ELOA: variants seen among roughly 807,000 people sequenced by gnomAD.
ELOA encodes the protein elongin A, also known as elongin-A.
A neutral mutation model predicts 85.2 loss-of-function variants in ELOA; 15 were observed. The observed-to-expected ratio is 0.18, with a 90% confidence interval of 0.12 to 0.27. ELOA has a LOEUF of 0.27. Among genes scored for constraint, ELOA ranks in the 10% least tolerant of loss-of-function variants. ELOA has a pLI of 1.00. For missense variants in ELOA, 769 were observed against 952.7 expected (o/e 0.81, Z 2.54); for synonymous variants, 348 against 357.2 (o/e 0.97, Z 0.29).
chr1:23,756,444 G>C (rs1412277389), intron 9 of ELOA, 59 bp downstream of exon 9: 1 of 1,448,788 alleles, frequency 6.9e-7, no homozygotes, highest in Non-Finnish European at 9.4e-7. Flanking sequence ...GGTAGCCATA[G>C]CGGCAGGAAG....
At position 23,759,791 on chromosome 1, in the gene ELOA, C is replaced by T. The variant is rs796203227; in HGVS notation, c.*218C>T. 10 of 560,988 alleles carry T rather than the reference C, an allele frequency of 1.8e-5. No homozygotes were observed. The highest frequency in any genetic ancestry group is 1.5e-4 in the African/African-American group (8 of 53,170). 34.8% of individuals were successfully genotyped at this position (560,988 alleles called of 1,614,324 possible). A position where few individuals can be genotyped will look rare whatever the true frequency, so the allele number is the denominator to read the frequency against. ...TTAGAATTCTGAAGATGTGAAGCCT[C>T]TGTCTCACTGAGGATTTTAAAGGTC... On this transcript the variant is annotated 3_prime_UTR_variant, in exon 11 of 11. Transcript: ENST00000613537.
Position 23,751,398 on chromosome 1 carries a change from G to A in ELOA, c.793G>A (p.Val265Met). ...TGCCAAGAGTGATGAGAAGGCCTCT[G>A]TGGTGAGCAGAGAGAAATCACACAA... ...VDAKSDEKAS[V>M]VSREKSHKAL... The change falls in exon 4 of 11, where the codon GTG (valine) becomes ATG (methionine). Residue 265 changes from valine to methionine, a missense_variant. Physicochemically the swap from Val to Met is conservative, Grantham distance 21. Coordinates refer to ENST00000613537, the MANE Select transcript of ELOA (RefSeq NM_003198.3). 6.2e-7 allele frequency: 1 copy of A among 1,614,200 alleles called. No individual in the cohort carries two copies. Among genetic ancestry groups the A allele is most frequent in the Non-Finnish European group, 8.5e-7 (1 of 1,180,038 alleles).
chr1:23,754,767 GA>G (rs2148387579), intron 7 of ELOA, among the ~76,000 whole-genome samples: 2 of 152,270 alleles, frequency 1.3e-5, no homozygotes, highest in South Asian at 4.1e-4. Flanking sequence ...GAGTAGCTGG[GA>G]CCCAGGGCGG....
intron 1 of ELOA, among the ~76,000 whole-genome samples, chr1:23,745,697 T>A (rs1570589003): frequency 6.6e-6 from 1 of 152,188 alleles, no homozygotes; most frequent in South Asian, 2.1e-4. Context: ...AGCTGTCATG[T>A]TGGCCTTGTT....
At chr1:23,754,024 G>A (rs1644783977) in intron 5 of ELOA, 76 bp from the exon 6 acceptor site, 1 of 1,539,574 alleles carries the variant, frequency 6.5e-7, no homozygotes. Context: ...GGAAAGGGAA[G>A]TAGGAGGCTG....
chr1:23,751,360 A>G lies in ELOA; in HGVS notation c.755A>G (p.Lys252Arg), dbSNP rs1278292799. The G allele has an allele frequency of 4.3e-6, 7 of 1,614,218 alleles. No homozygotes were observed. The highest frequency in any genetic ancestry group is 1.3e-5 in the African/African-American group (1 of 75,056). The change falls in exon 4 of 11, where the codon AAA becomes AGA. Residue 252 changes from lysine (K) to arginine (R), a missense_variant. Lys to Arg is a conservative substitution (Grantham distance 26). This residue lies in a region of ELOA where 440 missense variants were observed against 474.0 expected (regional missense o/e 0.93). Transcript: ENST00000613537. ...NKEHKSSHKDKRPVDAKSDEK... is the reference protein window; with the variant it reads ...NKEHKSSHKDRRPVDAKSDEK... ...GAGCACAAATCTTCCCACAAGGACA[A>G]ACGCCCCGTGGATGCCAAGAGTGAT...
At position 23,759,782 on chromosome 1, in the gene ELOA, G is replaced by A; in HGVS notation, c.*209G>A. ...GAGCACACTTTAGAATTCTGAAGAT[G>A]TGAAGCCTCTGTCTCACTGAGGATT... On this transcript the variant is annotated 3_prime_UTR_variant, in exon 11 of 11. Coordinates refer to ENST00000613537, the MANE Select transcript of ELOA (RefSeq NM_003198.3). The A allele has an allele frequency of 1.7e-6, 1 of 579,662 alleles. No homozygotes were observed. The highest frequency in any genetic ancestry group is 2.1e-5 in the South Asian group (1 of 46,812). The allele number at this position is 579,662 out of a possible 1,614,324, so 35.9% of individuals were successfully genotyped here.
intron 10 of ELOA, among the ~76,000 whole-genome samples, chr1:23,758,247 ATTTATTTATTTATTTTTTTTTT>A (rs1378313416): frequency 1.9e-4 from 11 of 56,790 alleles, no homozygotes; most frequent in African/African-American, 6.5e-4. Context: ...GGGTCTTCCA[ATTTATTTATTTATTTTTTTTTT>A]TTTTTTTTTT....
At position 23,755,826 on chromosome 1, in the gene ELOA, C is replaced by A. The variant is rs764530394; in HGVS notation, c.1792-17C>A. On this transcript the variant is annotated splice_polypyrimidine_tract_variant and intron_variant, in intron 7 of 10. Coordinates refer to ENST00000613537, the MANE Select transcript of ELOA (RefSeq NM_003198.3). The stretch of plus-strand genomic sequence containing the variant: ...AAAAGTGCTTGTACACAAATGATGT[C>A]CTGGTTCTGGTTTCAGGTATTAATT... 6.3e-7 allele frequency: 1 copy of A among 1,578,698 alleles called. No homozygotes were observed. Among genetic ancestry groups the A allele is most frequent in the South Asian group, 1.1e-5 (1 of 87,306 alleles).
Position 23,750,879 on chromosome 1 carries a change from A to G in ELOA, c.274A>G (p.Ser92Gly). The change falls in exon 4 of 11, where the codon AGC becomes GGC. Residue 92 changes from serine (S) to glycine (G), a missense_variant. Physicochemically the swap from Ser to Gly is moderately conservative, Grantham distance 56. Coordinates refer to ENST00000613537, the MANE Select transcript of ELOA (RefSeq NM_003198.3). ...GCCTGATGAACAGGACTTTGAGAAGAGCAATTCCCGAAAGCGCCCTCGGGA... is the reference window on the plus strand; with the variant it reads ...GCCTGATGAACAGGACTTTGAGAAGGGCAATTCCCGAAAGCGCCCTCGGGA... ...AEPDEQDFEK[S>G]NSRKRPRDAL... 6.2e-7 allele frequency: 1 copy of G among 1,603,936 alleles called. No homozygotes were observed. Among genetic ancestry groups the G allele is most frequent in the Admixed American group, 1.8e-5 (1 of 57,072 alleles).
rs1401970445 is a variant in ELOA at position 23,761,796 on chromosome 1, GCTACA to G, written c.*2229_*2233del. 6.6e-6 allele frequency: 1 copy of G among 152,044 alleles called. No homozygotes were observed. Among genetic ancestry groups the G allele is most frequent in the Non-Finnish European group, 1.5e-5 (1 of 68,018 alleles). 9.4% of individuals were successfully genotyped at this position (152,044 alleles called of 1,614,324 possible). On this transcript the variant is annotated 3_prime_UTR_variant, in exon 11 of 11. Coordinates refer to ENST00000613537, the MANE Select transcript of ELOA (RefSeq NM_003198.3). ...AAAACTTGTGCAATTTTTTTTCTGT[GCTACA>G]CTACATACAAATCACCAAATTACAA...
chr1:23,759,291 G>A (rs898146061), intron 10 of ELOA, among the ~76,000 whole-genome samples: 3 of 152,264 alleles, frequency 2.0e-5, no homozygotes, highest in African/African-American at 7.2e-5. Context: ...GGTGCAGGTG[G>A]TTAGAGAGAG....
chr1:23,752,489 T>C lies in ELOA; in HGVS notation c.1508T>C (p.Leu503Pro). ...ANYRPLPSLELISSFQPKRKA... is the reference protein window; with the variant it reads ...ANYRPLPSLEPISSFQPKRKA... ...TACCGTCCACTGCCTTCCCTCGAGC[T>C]GATATCCTCCTTCCAGCCAAAGCGA... The change falls in exon 5 of 11, where the codon CTG becomes CCG. Residue 503 changes from leucine (L) to proline (P), a missense_variant. Physicochemically the swap from Leu to Pro is moderately conservative, Grantham distance 98. This residue lies in a region of ELOA where 193 missense variants were observed against 278.9 expected (regional missense o/e 0.69). Coordinates refer to ENST00000613537, the MANE Select transcript of ELOA (RefSeq NM_003198.3). 1 of 1,614,112 alleles carries C rather than the reference T, an allele frequency of 6.2e-7. No homozygotes were observed. The highest frequency in any genetic ancestry group is 8.5e-7 in the Non-Finnish European group (1 of 1,179,954).
intron 3 of ELOA, among the ~76,000 whole-genome samples, chr1:23,750,552 C>T (rs945864341): frequency 2.6e-5 from 4 of 151,960 alleles, no homozygotes; most frequent in Non-Finnish European, 5.9e-5. Flanking sequence ...AGTGAGCAGC[C>T]CCCATTTTAT....
Position 23,751,702 on chromosome 1 carries a change from C to G in ELOA, c.1097C>G (p.Ser366Cys). The G allele has an allele frequency of 6.2e-7, 1 of 1,614,132 alleles. No homozygotes were observed. Residue 366 changes from serine to cysteine, a missense_variant, in exon 4 of 11, where the codon TCT (serine) becomes TGT (cysteine). Around this residue, in one of 4 missense-constraint regions of ELOA, gnomAD observed 440 missense variants for 474.0 expected, o/e 0.93. Transcript: ENST00000613537. ...DLLPKVKEKGSNNLKTPEGKV... is the reference protein window; with the variant it reads ...DLLPKVKEKGCNNLKTPEGKV... ...TTGCCCAAGGTAAAAGAGAAGGGTT[C>G]TAACAACCTAAAGACTCCAGAAGGG...
intron 1 of ELOA, among the ~76,000 whole-genome samples, chr1:23,745,303 C>A (rs1254264443): frequency 6.6e-6 from 1 of 152,074 alleles, no homozygotes; most frequent in African/African-American, 2.4e-5. Flanking sequence ...CTGTGACTGA[C>A]GTTTGATACC....
At chr1:23,756,101 C>A in intron 8 of ELOA, 78 bp downstream of exon 8, 1 of 1,549,872 alleles carries the variant, frequency 6.5e-7, no homozygotes, top group South Asian at 1.2e-5. Flanking sequence ...GTGGGCTTGG[C>A]TGGTGTAGGA....
At chr1:23,756,238 T>C (rs201801089) in intron 8 of ELOA, 36 bp from the exon 9 acceptor site, 7 of 1,523,034 alleles carry the variant, frequency 4.6e-6, no homozygotes, top group Admixed American at 2.2e-5. Flanking sequence ...GCATCTCTGC[T>C]CAAGAAGGCA....
intron 1 of ELOA, among the ~76,000 whole-genome samples, chr1:23,745,011 G>C (rs1644740338): frequency 6.6e-6 from 1 of 152,152 alleles, no homozygotes. Flanking sequence ...TAGGGTTTCT[G>C]CAATTCCAAA....
Sources: gnomAD v4.1 joint callset for allele counts (sites outside exome capture counted in the v4.1 genomes callset) on GRCh38, gnomAD v4.1.1 for gene constraint, gnomAD v4.1.1 regional missense constraint, MANE v1.5 for transcripts, NCBI Gene and HGNC (gene_info 2026-07-23, HGNC 2026-07-21) for gene names.